SEMA3D: variants seen among roughly 807,000 people sequenced by gnomAD.
The protein encoded by SEMA3D is semaphorin-3D.
In SEMA3D, 84 loss-of-function variants were observed where a neutral mutation model predicts 100.1. That is an observed-to-expected ratio of 0.84 (90% CI 0.70 to 1.01). The LOEUF (loss-of-function observed/expected upper bound fraction) is 1.01. Among genes scored for constraint, SEMA3D ranks in the 50% least tolerant of loss-of-function variants. The probability of loss-of-function intolerance (pLI) is 0.00; values close to 1 mark genes in which losing one functional copy is unlikely to be tolerated. For missense variants in SEMA3D, 875 were observed against 934.1 expected (o/e 0.94, Z 0.82); for synonymous variants, 312 against 320.7 (o/e 0.97, Z 0.29).
chr7:85,099,911 T>C (rs1040481311), intron 3 of SEMA3D, among the ~76,000 whole-genome samples: 1 of 152,042 alleles, frequency 6.6e-6, no homozygotes, highest in Admixed American at 6.6e-5. Flanking sequence ...AATAGTTCTT[T>C]GTATATTTTG....
chr7:84,999,792 C>T lies in SEMA3D; in HGVS notation c.1982G>A (p.Gly661Glu), dbSNP rs1330660276. The T allele has an allele frequency of 4.3e-6, 7 of 1,613,996 alleles. No individual in the cohort carries two copies. The highest frequency in any genetic ancestry group is 1.1e-5 in the South Asian group (1 of 91,076). ...CTCCTGGGCTTTGCAGTAATACATC[C>T]CAGAATCCTTCTTCTGCAAACTTCG... ...LIRSLQKKDS[G>E]MYYCKAQEHT... is the part of the protein sequence containing the mutation. The change falls in exon 19 of 19, where the codon GGG (glycine) becomes GAG (glutamate). Residue 661 changes from glycine to glutamate, a missense_variant. Gly to Glu is a moderately conservative substitution (Grantham distance 98, BLOSUM62 -2). Transcript: ENST00000284136.
chr7:85,062,562 G>C (rs1434395064), intron 8 of SEMA3D, among the ~76,000 whole-genome samples: 4 of 152,094 alleles, frequency 2.6e-5, no homozygotes, highest in Non-Finnish European at 4.4e-5. Context: ...TCAGAAAATG[G>C]ATATTGAAGG....
At chr7:85,202,285 A>T in the SEMA3D span, among the ~76,000 whole-genome samples, 1 of 138,784 alleles carries the variant, frequency 7.2e-6, no homozygotes, top group South Asian at 2.3e-4. Context: ...TTCAATTCCC[A>T]CCTATGAGTG....
At chr7:85,096,278 A>AG (rs1232432266) in intron 4 of SEMA3D, among the ~76,000 whole-genome samples, 1 of 151,960 alleles carries the variant, frequency 6.6e-6, no homozygotes, top group East Asian at 1.9e-4. Flanking sequence ...AAATTCCTGA[A>AG]GAAAAAAATA....
chr7:85,225,870 C>G, the SEMA3D span, among the ~76,000 whole-genome samples: 1 of 152,114 alleles, frequency 6.6e-6, no homozygotes, highest in Non-Finnish European at 1.5e-5. Context: ...TTTCATGTTA[C>G]AAACATCATT....
At chr7:85,024,357 TTTTGAC>T (rs1366033015) in intron 12 of SEMA3D, among the ~76,000 whole-genome samples, 1 of 151,976 alleles carries the variant, frequency 6.6e-6, no homozygotes, top group Admixed American at 6.6e-5. Flanking sequence ...AAAAAATCAC[TTTTGAC>T]TTTGCAGCTG....
At chr7:85,128,975 T>C (rs1789643841) in intron 2 of SEMA3D, among the ~76,000 whole-genome samples, 1 of 149,134 alleles carries the variant, frequency 6.7e-6, no homozygotes, top group Admixed American at 6.8e-5. Context: ...CATGGCAGCC[T>C]GGACTTCCTG....
the SEMA3D span, among the ~76,000 whole-genome samples, chr7:85,243,073 C>T: frequency 3.3e-5 from 5 of 152,166 alleles, no homozygotes; most frequent in African/African-American, 1.2e-4. Context: ...TTCAGTCCCC[C>T]ACACCACCAA....
intron 8 of SEMA3D, among the ~76,000 whole-genome samples, chr7:85,057,038 T>C (rs1027778333): frequency 6.6e-6 from 1 of 151,688 alleles, no homozygotes; most frequent in Admixed American, 6.6e-5. Flanking sequence ...CAGGGGTTAA[T>C]AGAAAATTGA....
At position 85,068,846 on chromosome 7, in the gene SEMA3D, G is replaced by T. The variant is rs556274762; in HGVS notation, c.496-562C>A. Among the ~76,000 whole-genome samples the T allele has an allele frequency of 5.3e-5, 8 of 152,226 alleles. No homozygotes were observed. The South Asian group carries it at 1.7e-3, about 32-fold the overall frequency. Reference sequence around the variant, plus strand: ...ATCTGGGTAACAAAAAAATCCTGTTGTAGTATTTCACTATGACGAAAACAC... The same window carrying T: ...ATCTGGGTAACAAAAAAATCCTGTTTTAGTATTTCACTATGACGAAAACAC... On this transcript the variant is annotated intron_variant, in intron 6 of 18. Transcript: ENST00000284136.
chr7:85,143,554 G>A (rs1790115438), intron 2 of SEMA3D, among the ~76,000 whole-genome samples: 1 of 152,020 alleles, frequency 6.6e-6, no homozygotes, highest in African/African-American at 2.4e-5. Flanking sequence ...AAACATAGAA[G>A]AGATACAACA....
At chr7:85,210,187 A>G in the SEMA3D span, among the ~76,000 whole-genome samples, 1 of 152,104 alleles carries the variant, frequency 6.6e-6, no homozygotes, top group African/African-American at 2.4e-5. Context: ...AACCATTGCA[A>G]ATCTTCCTTT....
upstream of SEMA3D, among the ~76,000 whole-genome samples, chr7:85,187,461 T>C (rs1791592387): frequency 6.6e-6 from 1 of 152,184 alleles, no homozygotes; most frequent in South Asian, 2.1e-4. Flanking sequence ...CCACGGTTAA[T>C]GGCCTTGACA....
chr7:85,116,645 T>C (rs1003190756), intron 3 of SEMA3D, among the ~76,000 whole-genome samples: 7 of 151,864 alleles, frequency 4.6e-5, no homozygotes, highest in Non-Finnish European at 1.0e-4. Flanking sequence ...TTAAAAAGTA[T>C]TTATGGTTAT....
In SEMA3D at chr7:85,055,964, A is replaced by C; in HGVS notation, c.719-105T>G. 1.7e-5 allele frequency: 10 copies of C among 584,076 alleles called. 1 individual carries two copies. In the South Asian group the frequency reaches 1.9e-4, roughly 11 times the overall value. 36.2% of individuals were successfully genotyped at this position (584,076 alleles called of 1,614,324 possible). ...AGCAATTAGCAGTAGAATTTTTAAA[A>C]AATGAACTATAAGCCAGATGTGGGA... On this transcript the variant is annotated intron_variant, in intron 8 of 18. Transcript: ENST00000284136.
At chr7:85,097,495 C>G (rs377545355) in intron 4 of SEMA3D, among the ~76,000 whole-genome samples, 1 of 151,878 alleles carries the variant, frequency 6.6e-6, no homozygotes, top group South Asian at 2.1e-4. Flanking sequence ...TTTGTCATTT[C>G]TTCAGTCTCA....
intron 9 of SEMA3D, among the ~76,000 whole-genome samples, chr7:85,044,905 C>T (rs1264510367): frequency 6.6e-6 from 1 of 151,774 alleles, no homozygotes; most frequent in Non-Finnish European, 1.5e-5. Context: ...CCTAAAATTC[C>T]CTCTACTCAA....
the SEMA3D span, among the ~76,000 whole-genome samples, chr7:85,218,165 C>A: frequency 1.3e-5 from 2 of 151,956 alleles, no homozygotes; most frequent in Non-Finnish European, 2.9e-5. Context: ...AGAAACATAT[C>A]ATTTCTGAAG....
intron 3 of SEMA3D, among the ~76,000 whole-genome samples, chr7:85,103,047 A>G (rs778190867): frequency 6.6e-5 from 10 of 152,086 alleles, no homozygotes; most frequent in Non-Finnish European, 1.0e-4. Context: ...TTTAGGCATT[A>G]CATATTAAAA....
Sources: gnomAD v4.1 joint callset for allele counts (sites outside exome capture counted in the v4.1 genomes callset) on GRCh38, gnomAD v4.1.1 for gene constraint, MANE v1.5 for transcripts, NCBI Gene and HGNC (gene_info 2026-07-23, HGNC 2026-07-21) for gene names.